Variants in TTLL1 observed in about 807,000 individuals in gnomAD.
TTLL1 encodes the protein TTL family tubulin polyglutamylase complex subunit L1.
TTLL1 carries 33 observed loss-of-function variants against 47.8 expected under a neutral mutation model. The ratio of observed to expected loss-of-function variants is 0.69; its 90% CI spans 0.52 to 0.92. The LOEUF (loss-of-function observed/expected upper bound fraction) is 0.92. Among genes scored for constraint, TTLL1 ranks in the 40% least tolerant of loss-of-function variants. TTLL1 has a pLI of 0.00. For missense variants in TTLL1, 488 were observed against 547.5 expected (o/e 0.89, Z 1.08); for synonymous variants, 225 against 214.1 (o/e 1.05, Z -0.45).
intron 5 of TTLL1, 90 bp from the exon 6 acceptor site, chr22:43,064,414 T>C (rs1453326581): frequency 7.0e-7 from 1 of 1,436,430 alleles, no homozygotes; most frequent in African/African-American, 1.5e-5. Flanking sequence ...TAAGCCGGAC[T>C]TCATTAAAAT....
chr22:43,087,498 C>T (rs1226270487), intron 1 of TTLL1, among the ~76,000 whole-genome samples: 4 of 146,152 alleles, frequency 2.7e-5, no homozygotes, highest in South Asian at 4.3e-4. Context: ...CACTCCAGCC[C>T]GGGCAACAGA....
At chr22:43,055,787 GGTT>G (rs1409683286) in intron 8 of TTLL1, among the ~76,000 whole-genome samples, 3 of 151,916 alleles carry the variant, frequency 2.0e-5, no homozygotes, top group Non-Finnish European at 4.4e-5. Context: ...TAATTTTCGT[GGTT>G]GTTTCACTGA....
At chr22:43,069,218 TACA>T (rs1158542143) in intron 4 of TTLL1, among the ~76,000 whole-genome samples, 9 of 26,456 alleles carry the variant, frequency 3.4e-4, no homozygotes, top group East Asian at 2.9e-3. Context: ...CTACTAAAAA[TACA>T]AAAAAAAAAA....
chr22:43,074,932 T>C (rs911495991), intron 3 of TTLL1, among the ~76,000 whole-genome samples: 5 of 151,940 alleles, frequency 3.3e-5, no homozygotes, highest in African/African-American at 7.3e-5. Flanking sequence ...TCCCAGCACT[T>C]TGGGAGGCCG....
At chr22:43,041,852 AG>A (rs1186746420) in intron 10 of TTLL1, among the ~76,000 whole-genome samples, 2 of 152,142 alleles carry the variant, frequency 1.3e-5, no homozygotes, top group Admixed American at 6.6e-5. Flanking sequence ...CAGACACCAC[AG>A]GGATCCAGGC....
At chr22:43,050,402 C>T (rs1297527808) in intron 9 of TTLL1, among the ~76,000 whole-genome samples, 3 of 149,638 alleles carry the variant, frequency 2.0e-5, no homozygotes, top group South Asian at 2.1e-4. Context: ...AGTGACAGAG[C>T]AAGACTCTGT....
At chr22:43,067,846 C>A (rs1438768794) in intron 5 of TTLL1, among the ~76,000 whole-genome samples, 1 of 151,766 alleles carries the variant, frequency 6.6e-6, no homozygotes, top group Non-Finnish European at 1.5e-5. Context: ...ACTCTGTCAC[C>A]CAGGCTGGAG....
chr22:43,080,935 T>TTTTTTTTTTTTTG (rs1400698764), intron 1 of TTLL1, among the ~76,000 whole-genome samples: 1 of 136,034 alleles, frequency 7.4e-6, no homozygotes, highest in Non-Finnish European at 1.5e-5. Context: ...TTTTTTTTTT[T>TTTTTTTTTTTTTG]AGACAAAGTC....
chr22:43,063,292 C>T (rs1386252120), intron 7 of TTLL1, among the ~76,000 whole-genome samples: 2 of 152,126 alleles, frequency 1.3e-5, no homozygotes, highest in African/African-American at 4.8e-5. Context: ...CTCCAGGTGC[C>T]CCCACCCAGC....
At chr22:43,088,628 C>CCCAGATGGGGGCGAGGAG (rs1929408739) in intron 1 of TTLL1, among the ~76,000 whole-genome samples, 2 of 151,934 alleles carry the variant, frequency 1.3e-5, no homozygotes, top group Non-Finnish European at 2.9e-5. Context: ...CAGGCGTGAG[C>CCCAGATGGGGGCGAGGAG]CACCGTGCCC....
In TTLL1 at chr22:43,069,847, G is replaced by A. The variant is rs894007148; in HGVS notation, c.114-3C>T. On this transcript the variant is annotated splice_polypyrimidine_tract_variant and splice_region_variant and intron_variant, in intron 3 of 10. Coordinates refer to ENST00000266254, the MANE Select transcript of TTLL1 (RefSeq NM_012263.5). ...TTCGGATGGTTTGCACACTCATCCT[G>A]AAAGAGATGAGCAGGAGAGACACTT... 6.2e-7 allele frequency: 1 copy of A among 1,613,990 alleles called. No homozygotes were observed.
rs1472194173 is a variant in TTLL1, at chr22:43,063,855, G to A, written c.705C>T (p.Asn235=). 1 of 1,614,094 alleles carries A rather than the reference G, an allele frequency of 6.2e-7. No individual in the cohort carries two copies. Among genetic ancestry groups the A allele is most frequent in the Non-Finnish European group, 8.5e-7 (1 of 1,179,972 alleles). Reference sequence around the variant, plus strand: ...CGACGTTGGTGAGATGAACGAACATGTTGTCCAGCTCACTGGTACTCGGGG... The same window carrying A: ...CGACGTTGGTGAGATGAACGAACATATTGTCCAGCTCACTGGTACTCGGGG... The part of the protein sequence containing the change: ...KYTPSTSELD[N]MFVHLTNVAI... Residue 235 remains asparagine (N), a synonymous_variant, in exon 7 of 11, where the codon AAC becomes AAT. Transcript: ENST00000266254.
At chr22:43,042,689 C>A (rs528346255) in intron 10 of TTLL1, among the ~76,000 whole-genome samples, 4 of 152,270 alleles carry the variant, frequency 2.6e-5, no homozygotes, top group African/African-American at 9.6e-5. Flanking sequence ...GATGACGTGG[C>A]CCTCCCAGTC....
chr22:43,051,551 G>A (rs545868373), intron 9 of TTLL1, among the ~76,000 whole-genome samples: 37 of 152,138 alleles, frequency 2.4e-4, no homozygotes, highest in Middle Eastern at 6.8e-3. Flanking sequence ...CACCCTGGAG[G>A]AGTCATAGCC....
At chr22:43,047,569 A>G (rs907289771) in intron 9 of TTLL1, among the ~76,000 whole-genome samples, 1 of 152,062 alleles carries the variant, frequency 6.6e-6, no homozygotes, top group African/African-American at 2.4e-5. Context: ...CCCGGGTTCA[A>G]GCAATTCTCC....
chr22:43,080,900 GACTTTTTTTTTTTTT>G, intron 1 of TTLL1, among the ~76,000 whole-genome samples: 1 of 55,842 alleles, frequency 1.8e-5, no homozygotes, highest in Non-Finnish European at 4.2e-5. Flanking sequence ...AGTGTTGCAT[GACTTTTTTTTTTTTT>G]TTTTTTTTTT....
At chr22:43,075,156 C>T (rs1189428983) in intron 3 of TTLL1, among the ~76,000 whole-genome samples, 3 of 152,144 alleles carry the variant, frequency 2.0e-5, no homozygotes, top group Non-Finnish European at 4.4e-5. Context: ...CAGAGCAAGA[C>T]TCTGTCCTGT....
At chr22:43,059,104 C>T (rs1340262540) in intron 8 of TTLL1, among the ~76,000 whole-genome samples, 1 of 152,250 alleles carries the variant, frequency 6.6e-6, no homozygotes, top group Non-Finnish European at 1.5e-5. Flanking sequence ...ATTCTCCTGC[C>T]TCAGCCTCCC....
intron 1 of TTLL1, among the ~76,000 whole-genome samples, chr22:43,085,428 A>T (rs1014291338): frequency 6.6e-6 from 1 of 152,218 alleles, no homozygotes; most frequent in African/African-American, 2.4e-5. Context: ...GACTTGTAAT[A>T]ATCCCCACGA....
Sources: gnomAD v4.1 joint callset for allele counts (sites outside exome capture counted in the v4.1 genomes callset) on GRCh38, gnomAD v4.1.1 for gene constraint, MANE v1.5 for transcripts, NCBI Gene and HGNC (gene_info 2026-07-23, HGNC 2026-07-21) for gene names.